The following CACNA2D3 variants were observed in gnomAD, a reference collection of about 807,000 sequenced individuals.
CACNA2D3 encodes the protein voltage-dependent calcium channel subunit alpha-2/delta-3.
In CACNA2D3, 60 loss-of-function variants were observed where a neutral mutation model predicts 160.6. That is an observed-to-expected ratio of 0.37 (90% CI 0.30 to 0.46). The LOEUF is 0.46. Among genes scored for constraint, CACNA2D3 ranks in the 20% least tolerant of loss-of-function variants. The pLI is 1.00. For synonymous variants in CACNA2D3, 558 were observed against 492.9 expected, an observed-to-expected ratio of 1.13 and a Z score of -1.75; for missense variants, 1,205 against 1,365.0, an observed-to-expected ratio of 0.88 and a Z score of 1.85.
chr3:54,785,636 C>T (rs1464097453), intron 13 of CACNA2D3, among the ~76,000 whole-genome samples: 1 of 151,994 alleles, frequency 6.6e-6, no homozygotes, highest in Non-Finnish European at 1.5e-5. Flanking sequence ...ATTGAGAAGC[C>T]AACAAGCCTG....
At chr3:54,208,477 G>C (rs1272051991) in intron 2 of CACNA2D3, among the ~76,000 whole-genome samples, 1 of 152,108 alleles carries the variant, frequency 6.6e-6, no homozygotes, top group African/African-American at 2.4e-5. Context: ...AATAGCCCTG[G>C]GCTGGAAGGC....
At chr3:54,212,908 A>G (rs1701401129) in intron 2 of CACNA2D3, among the ~76,000 whole-genome samples, 2 of 152,128 alleles carry the variant, frequency 1.3e-5, no homozygotes, top group Admixed American at 1.3e-4. Context: ...CTAGAGGATT[A>G]ATGAGATGAT....
intron 13 of CACNA2D3, among the ~76,000 whole-genome samples, chr3:54,804,880 A>G (rs1042177738): frequency 6.6e-6 from 1 of 152,218 alleles, no homozygotes; most frequent in Non-Finnish European, 1.5e-5. Context: ...TCAAACTAGA[A>G]CTCAGGATTA....
intron 9 of CACNA2D3, among the ~76,000 whole-genome samples, chr3:54,584,642 C>T (rs1370520129): frequency 6.6e-6 from 1 of 152,054 alleles, no homozygotes; most frequent in Middle Eastern, 3.2e-3. Flanking sequence ...GAAACTCCCC[C>T]AAACTGGGTA....
chr3:54,881,004 T>G (rs1699783547), intron 21 of CACNA2D3, 141 bp downstream of exon 21: 1 of 726,160 alleles, frequency 1.4e-6, no homozygotes, highest in African/African-American at 1.7e-5. Context: ...GAATGCCTAC[T>G]TGATAATTCT....
intron 5 of CACNA2D3, among the ~76,000 whole-genome samples, chr3:54,524,614 C>G (rs1349038097): frequency 6.6e-6 from 1 of 151,938 alleles, no homozygotes; most frequent in African/African-American, 2.4e-5. Flanking sequence ...GTTTAATTGT[C>G]TATTTCTTTT....
chr3:54,222,682 A>T, intron 2 of CACNA2D3, among the ~76,000 whole-genome samples: 1 of 152,170 alleles, frequency 6.6e-6, no homozygotes, highest in Non-Finnish European at 1.5e-5. Flanking sequence ...ACATTTGTGG[A>T]ATTTTCTATT....
Position 54,994,938 on chromosome 3 carries a change from T to G in CACNA2D3, c.2690+7185T>G, listed in dbSNP as rs1420334457. ...TTTTACATTCATATTTGCTCTGCCT[T>G]AAGAGATAGAGAAAGAAAGTCTTTC... On this transcript the variant is annotated intron_variant, in intron 31 of 37. Transcript: ENST00000474759. 7.2e-5 allele frequency among the ~76,000 whole-genome samples: 11 copies of G among 152,280 alleles called. No individual in the cohort carries two copies. The South Asian group carries it at 2.3e-3, about 32-fold the overall frequency.
At chr3:54,957,703 A>AG (rs59986183) in intron 27 of CACNA2D3, among the ~76,000 whole-genome samples, 64,383 of 151,614 alleles carry the variant, frequency 0.42, 14,689 homozygotes, top group East Asian at 0.56. Flanking sequence ...CCCAGTCAGG[A>AG]GGGTTAGAAA....
chr3:54,282,391 TA>T (rs1702902383), intron 2 of CACNA2D3, among the ~76,000 whole-genome samples: 1 of 152,210 alleles, frequency 6.6e-6, no homozygotes, highest in Non-Finnish European at 1.5e-5. Flanking sequence ...CCTTGGATAG[TA>T]GCCATTAGCC....
At chr3:54,168,184 A>G (rs1320404572) in intron 2 of CACNA2D3, among the ~76,000 whole-genome samples, 1 of 152,218 alleles carries the variant, frequency 6.6e-6, no homozygotes, top group African/African-American at 2.4e-5. Flanking sequence ...AGAAGAGAAC[A>G]GTTAAGTGGC....
intron 27 of CACNA2D3, among the ~76,000 whole-genome samples, 179 bp from the exon 28 acceptor site, chr3:54,968,271 A>AGGTAAACTT (rs1685871245): frequency 6.6e-6 from 1 of 152,234 alleles, no homozygotes; most frequent in South Asian, 2.1e-4. Flanking sequence ...CTGTGAGTGC[A>AGGTAAACTT]GGTAAACTTG....
At chr3:54,428,894 T>C (rs1559478879) in intron 4 of CACNA2D3, among the ~76,000 whole-genome samples, 1 of 152,230 alleles carries the variant, frequency 6.6e-6, no homozygotes, top group Non-Finnish European at 1.5e-5. Flanking sequence ...AGATTTATGC[T>C]TGATTTATTG....
At chr3:54,856,399 T>A (rs1463786769) in intron 17 of CACNA2D3, among the ~76,000 whole-genome samples, 1 of 152,134 alleles carries the variant, frequency 6.6e-6, no homozygotes, top group Non-Finnish European at 1.5e-5. Flanking sequence ...ATAACATGGA[T>A]GAGTTACTTG....
At chr3:54,367,812 C>T (rs1220561970) in intron 3 of CACNA2D3, among the ~76,000 whole-genome samples, 3 of 152,162 alleles carry the variant, frequency 2.0e-5, no homozygotes, top group African/African-American at 4.8e-5. Flanking sequence ...CTTTTTAACA[C>T]TCGTTTGCTC....
chr3:54,228,297 A>G (rs1281804279), intron 2 of CACNA2D3, among the ~76,000 whole-genome samples: 1 of 152,168 alleles, frequency 6.6e-6, no homozygotes, highest in Non-Finnish European at 1.5e-5. Context: ...TGTGCCACTT[A>G]ACTGGTTGCA....
At chr3:54,953,294 G>A (rs564806458) in intron 27 of CACNA2D3, among the ~76,000 whole-genome samples, 1 of 152,278 alleles carries the variant, frequency 6.6e-6, no homozygotes, top group South Asian at 2.1e-4. Context: ...AAACAGGCAG[G>A]ACTCAGCCCT....
In CACNA2D3 at chr3:54,973,580, C is replaced by T. The variant is rs181582621; in HGVS notation, c.2556+3736C>T. ...GCATTTCCTCTGGCATCAGAAAGAC[C>T]TGCTTGAATTATGACAGGGCAACGA... On this transcript the variant is annotated intron_variant, in intron 29 of 37. Coordinates refer to ENST00000474759, the MANE Select transcript of CACNA2D3 (RefSeq NM_018398.3). Among the ~76,000 whole-genome samples, 114 of 152,218 alleles carry T rather than the reference C, an allele frequency of 7.5e-4. No individual in the cohort carries two copies. The East Asian group carries it at 0.015, about 20-fold the overall frequency.
At chr3:55,004,549 C>T (rs1161754065) in intron 31 of CACNA2D3, among the ~76,000 whole-genome samples, 2 of 152,224 alleles carry the variant, frequency 1.3e-5, no homozygotes, top group Admixed American at 1.3e-4. Flanking sequence ...CCAATACCTT[C>T]GTTCCCTTTG....
Sources: allele counts gnomAD v4.1 joint callset (sites outside exome capture counted in the v4.1 genomes callset), GRCh38; gene constraint gnomAD v4.1.1; transcripts MANE v1.5; gene names NCBI Gene and HGNC (gene_info 2026-07-23, HGNC 2026-07-21).